Variants in IL1RL2 observed in about 807,000 individuals in gnomAD.
The protein encoded by IL1RL2 is interleukin-1 receptor-like 2.
IL1RL2 carries 68 observed loss-of-function variants against 66.8 expected under a neutral mutation model. That is an observed-to-expected ratio of 1.02 (90% confidence interval 0.84 to 1.25). The LOEUF (loss-of-function observed/expected upper bound fraction) is 1.25, where lower values mean the gene tolerates loss of function less well. IL1RL2 is among the 50% of genes most tolerant of loss of function. IL1RL2 has a pLI of 0.00. For missense variants in IL1RL2, 729 were observed against 709.3 expected, an observed-to-expected ratio of 1.03 and a Z score of -0.32; for synonymous variants, 305 against 264.6, an observed-to-expected ratio of 1.15 and a Z score of -1.48.
chr2:102,195,629 C>CTTTCCTTCTTTCTT (rs1379287788), intron 4 of IL1RL2, among the ~76,000 whole-genome samples: 3 of 17,322 alleles, frequency 1.7e-4, no homozygotes, highest in African/African-American at 3.8e-4. Context: ...TTCTTTCTTT[C>CTTTCCTTCTTTCTT]TCTCTCTCTC....
chr2:102,240,164 A>C (rs368189533), downstream of IL1RL2, among the ~76,000 whole-genome samples: 267 of 152,292 alleles, frequency 1.8e-3, 2 homozygotes, highest in African/African-American at 6.2e-3. Flanking sequence ...TGGTCCACTG[A>C]AAAGTTGGGC....
At chr2:102,220,310 CA>C (rs1689992682) in intron 8 of IL1RL2, among the ~76,000 whole-genome samples, 1 of 152,060 alleles carries the variant, frequency 6.6e-6, no homozygotes, top group Non-Finnish European at 1.5e-5. Context: ...GCGTGATTGC[CA>C]AATGTTTTGC....
rs530503964 is a variant in IL1RL2, at chr2:102,230,756, C to T, written c.1136-2207C>T. On this transcript the variant is annotated intron_variant, in intron 9 of 11. Transcript: ENST00000264257. ...GCATGGGTGTGCATGCATGTGCATG[C>T]GTGTGTGTTTGTGTTACCATTCTCT... Among the ~76,000 whole-genome samples, 6 of 152,096 alleles carry T rather than the reference C, an allele frequency of 3.9e-5. No homozygotes were observed. In the South Asian group the frequency reaches 6.2e-4, roughly 16 times the overall value.
chr2:102,223,253 G>A (rs1690301677), intron 8 of IL1RL2, among the ~76,000 whole-genome samples: 1 of 152,124 alleles, frequency 6.6e-6, no homozygotes, highest in Admixed American at 6.5e-5. Flanking sequence ...GGTTTACTTG[G>A]GGACAGAGCT....
chr2:102,212,399 A>G (rs759383000), intron 6 of IL1RL2, among the ~76,000 whole-genome samples: 35 of 152,306 alleles, frequency 2.3e-4, no homozygotes, highest in Non-Finnish European at 4.9e-4. Context: ...AATGAGGACT[A>G]TGGGCCCAAA....
intron 5 of IL1RL2, among the ~76,000 whole-genome samples, chr2:102,208,172 G>C (rs539451120): frequency 6.6e-6 from 1 of 152,188 alleles, no homozygotes; most frequent in Non-Finnish European, 1.5e-5. Flanking sequence ...CCTTTTCTGT[G>C]ATACAGATTT....
chr2:102,226,354 G>A (rs374259424), intron 9 of IL1RL2, among the ~76,000 whole-genome samples: 12 of 152,178 alleles, frequency 7.9e-5, no homozygotes, highest in African/African-American at 2.9e-4. Flanking sequence ...CTGCGGGAAA[G>A]TTTCTCCGAA....
chr2:102,241,441 G>A (rs1166455636), downstream of IL1RL2, among the ~76,000 whole-genome samples: 2 of 152,164 alleles, frequency 1.3e-5, no homozygotes, highest in East Asian at 3.8e-4. Flanking sequence ...AAAACCCTGT[G>A]CCCCAGTTTC....
At chr2:102,241,512 C>T (rs144088307), downstream of IL1RL2, among the ~76,000 whole-genome samples, 35 of 152,238 alleles carry the variant, frequency 2.3e-4, 1 homozygote, top group South Asian at 3.3e-3. Flanking sequence ...ACAAAAAGGG[C>T]CAGAGAATAT....
chr2:102,236,390 C>T (rs189272372), intron 11 of IL1RL2, among the ~76,000 whole-genome samples: 99 of 152,180 alleles, frequency 6.5e-4, no homozygotes, highest in African/African-American at 2.2e-3. Flanking sequence ...GCTGTGCCCT[C>T]GTTCACAGGC....
intron 6 of IL1RL2, among the ~76,000 whole-genome samples, chr2:102,216,490 C>T (rs1689625537): frequency 6.6e-6 from 1 of 152,094 alleles, no homozygotes; most frequent in Admixed American, 6.5e-5. Context: ...TTTTAGGCAG[C>T]ATATAGTTGG....
rs117573800 is a variant in IL1RL2, at chr2:102,204,679, T to G, written c.649+2964T>G. On this transcript the variant is annotated intron_variant, in intron 5 of 11. Coordinates refer to ENST00000264257, the MANE Select transcript of IL1RL2 (RefSeq NM_003854.4). ...ATCTATTTTCTCTAAGCATAGCTAC[T>G]CCTGCTCTTTTTTTTGTTTTTGATT... Among the ~76,000 whole-genome samples the G allele has an allele frequency of 6.5e-3, 919 of 141,328 alleles. 17 individuals are homozygous for G. The highest frequency in any genetic ancestry group is 0.058 in the East Asian group (261 of 4,524). 92.7% of individuals were successfully genotyped at this position (141,328 alleles called of 152,430 possible).
intron 11 of IL1RL2, among the ~76,000 whole-genome samples, chr2:102,237,408 G>A (rs1297489085): frequency 6.6e-6 from 1 of 152,236 alleles, no homozygotes; most frequent in African/African-American, 2.4e-5. Context: ...CTCCGCAGAA[G>A]GAAGGACGAA....
intron 5 of IL1RL2, among the ~76,000 whole-genome samples, chr2:102,211,714 A>G (rs571657670): frequency 1.4e-4 from 21 of 152,368 alleles, no homozygotes; most frequent in African/African-American, 5.0e-4. Context: ...TTTTGAAGGT[A>G]AAACAAGAGG....
chr2:102,197,418 A>C (rs35548743), intron 4 of IL1RL2, among the ~76,000 whole-genome samples: 46 of 152,358 alleles, frequency 3.0e-4, no homozygotes, highest in African/African-American at 1.1e-3. Flanking sequence ...AAATTAGACA[A>C]AAGTAGAGAG....
At chr2:102,214,490 A>G (rs1436323520) in intron 6 of IL1RL2, among the ~76,000 whole-genome samples, 1 of 152,210 alleles carries the variant, frequency 6.6e-6, no homozygotes, top group Non-Finnish European at 1.5e-5. Flanking sequence ...AATTAGGAGG[A>G]CTTGCCTACA....
intron 6 of IL1RL2, among the ~76,000 whole-genome samples, chr2:102,215,861 T>C (rs1689570201): frequency 6.6e-6 from 1 of 152,226 alleles, no homozygotes; most frequent in Non-Finnish European, 1.5e-5. Flanking sequence ...AGGATGCATC[T>C]ACAGAAAAAG....
At chr2:102,218,911 G>T in intron 6 of IL1RL2, 42 bp from the exon 7 acceptor site, 1 of 1,574,716 alleles carries the variant, frequency 6.4e-7, no homozygotes, top group African/African-American at 1.4e-5. Flanking sequence ...TTGAAAGTTT[G>T]TAGAATTTTC....
At position 102,206,942 on chromosome 2, in the gene IL1RL2, G is replaced by A. The variant is rs185119147; in HGVS notation, c.650-5158G>A. Among the ~76,000 whole-genome samples the A allele has an allele frequency of 3.3e-4, 51 of 152,288 alleles. 1 individual carries two copies. The highest frequency in any genetic ancestry group is 1.1e-3 in the African/African-American group (47 of 41,554). On this transcript the variant is annotated intron_variant, in intron 5 of 11. Transcript: ENST00000264257. The stretch of plus-strand genomic sequence containing the variant: ...TGTTTTTTTGTACTGCAGCTGAGCT[G>A]GCAGTCAAACCACAAGACGTAGTCC...
Sources: allele counts gnomAD v4.1 joint callset (sites outside exome capture counted in the v4.1 genomes callset), GRCh38; gene constraint gnomAD v4.1.1; transcripts MANE v1.5; gene names NCBI Gene and HGNC (gene_info 2026-07-23, HGNC 2026-07-21).